SIRPB1: variants seen among roughly 807,000 people sequenced by gnomAD.
SIRPB1 encodes the protein signal regulatory protein beta 1.
A neutral mutation model predicts 34.1 loss-of-function variants in SIRPB1; 28 were observed. That is an observed-to-expected ratio of 0.82 (90% CI 0.61 to 1.12). The LOEUF (loss-of-function observed/expected upper bound fraction) is 1.12. SIRPB1 is among the 50% of genes most tolerant of loss of function. The probability of loss-of-function intolerance (pLI) is 0.00; values close to 1 mark genes in which losing one functional copy is unlikely to be tolerated. For missense variants in SIRPB1, 499 were observed against 507.0 expected, an observed-to-expected ratio of 0.98 and a Z score of 0.15; for synonymous variants, 211 against 203.8, an observed-to-expected ratio of 1.04 and a Z score of -0.30.
At chr20:1,577,746 G>A (rs544235260) in intron 2 of SIRPB1, among the ~76,000 whole-genome samples, 3 of 146,196 alleles carry the variant, frequency 2.1e-5, no homozygotes, top group African/African-American at 7.4e-5. Flanking sequence ...AATCTTCCCC[G>A]TGGGGTGTTT....
At position 1,562,987 on chromosome 20, in the gene SIRPB1, C is replaced by T. The variant is rs73570829; in HGVS notation, c.*2513G>A. Among the ~76,000 whole-genome samples the T allele has an allele frequency of 9.6e-3, 1,458 of 152,236 alleles. 28 individuals are homozygous for T. Among genetic ancestry groups the T allele is most frequent in the African/African-American group, 0.034 (1,421 of 41,512 alleles). On this transcript the variant is annotated 3_prime_UTR_variant, in exon 6 of 6. Coordinates refer to ENST00000381605, the MANE Select transcript of SIRPB1 (RefSeq NM_006065.5). ...CCCTGATGCAGGAACTTCAGATAGG[C>T]AGCCAGAGGGAGGTAGTAAACGCAA...
rs2091241806 is a variant in SIRPB1, at chr20:1,571,766, C to T, written c.705G>A (p.Gln235=). 1.2e-6 allele frequency: 2 copies of T among 1,614,244 alleles called. No homozygotes were observed. The highest frequency in any genetic ancestry group is 2.2e-5 in the East Asian group (1 of 44,892). The stretch of plus-strand genomic sequence containing the variant: ...TGGCAGTCCCACGAAGAGGGTCCCC[C>T]TGCAAGGTGATGTGGGCTATCTCGC... ...VICEIAHITL[Q]GDPLRGTANL... Residue 235 remains glutamine, a synonymous_variant, in exon 3 of 6, where the codon CAG becomes CAA. Coordinates refer to ENST00000381605, the MANE Select transcript of SIRPB1 (RefSeq NM_006065.5).
intron 1 of SIRPB1, chr20:1,598,825 C>T: frequency 2.0e-6 from 1 of 508,280 alleles, no homozygotes; most frequent in Non-Finnish European, 2.7e-6. Context: ...CACTTACAGT[C>T]AGGCCTTCTG....
At chr20:1,566,329 C>A in intron 4 of SIRPB1, 62 bp from the exon 5 acceptor site, 1 of 982,724 alleles carries the variant, frequency 1.0e-6, no homozygotes, top group Middle Eastern at 2.5e-4. Flanking sequence ...TCCCAGGGGC[C>A]TCCACTTACC....
At chr20:1,597,380 G>A (rs2091461137) in intron 1 of SIRPB1, 1 of 49,242 alleles carries the variant, frequency 2.0e-5, no homozygotes, top group Admixed American at 1.4e-4. Context: ...TGGTTCTGCA[G>A]ACTGTACAAG....
At chr20:1,568,195 C>T (rs932365937) in intron 4 of SIRPB1, among the ~76,000 whole-genome samples, 19 of 152,182 alleles carry the variant, frequency 1.2e-4, no homozygotes, top group Non-Finnish European at 2.1e-4. Context: ...AAAGTAAATT[C>T]TACACAATCC....
chr20:1,566,084 G>C (rs2091126729), intron 5 of SIRPB1, 69 bp downstream of exon 5: 1 of 941,210 alleles, frequency 1.1e-6, no homozygotes, highest in Non-Finnish European at 1.7e-6. Flanking sequence ...TGGCATGTGA[G>C]CTGGGCCCTC....
Position 1,572,013 on chromosome 20 carries a change from G to A in SIRPB1, c.458C>T (p.Ser153Leu), listed in dbSNP as rs150061145. The A allele has an allele frequency of 7.1e-4, 1,148 of 1,613,798 alleles. 5 individuals are homozygous for A. Among genetic ancestry groups the A allele is most frequent in the Middle Eastern group, 7.0e-3 (42 of 5,994 alleles). Residue 153 changes from serine to leucine, a missense_variant, in exon 3 of 6, where the codon TCG becomes TTG. Ser to Leu is a moderately radical substitution (Grantham distance 145, BLOSUM62 -2). Coordinates refer to ENST00000381605, the MANE Select transcript of SIRPB1 (RefSeq NM_006065.5). ...VRAKPSAPVV[S>L]GPAVRATPEH... Reference sequence around the variant, plus strand: ...AGGTGTGGCCCTCACCGCAGGGCCCGATACCACGGGGGCAGAGGGTTTGGC... The same window carrying A: ...AGGTGTGGCCCTCACCGCAGGGCCCAATACCACGGGGGCAGAGGGTTTGGC...
chr20:1,588,582 C>T (rs1205031336), intron 1 of SIRPB1: 1 of 599,292 alleles, frequency 1.7e-6, no homozygotes, highest in Non-Finnish European at 2.2e-6. Flanking sequence ...GCAATAGAGT[C>T]AGCAGCAGGA....
intron 1 of SIRPB1, chr20:1,598,207 A>G: frequency 2.7e-6 from 1 of 371,386 alleles, no homozygotes; most frequent in South Asian, 1.4e-4. Flanking sequence ...GTCCATATTT[A>G]ATCATCTGCT....
intron 2 of SIRPB1, 131 bp from the exon 3 acceptor site, chr20:1,572,168 C>T: frequency 7.0e-7 from 1 of 1,420,604 alleles, no homozygotes; most frequent in African/African-American, 1.4e-5. Flanking sequence ...AAGGCAGTGT[C>T]CTTATTCTCA....
At position 1,571,941 on chromosome 20, in the gene SIRPB1, C is replaced by T. The variant is rs200471530; in HGVS notation, c.530G>A (p.Arg177Lys). ...TTTGAACCATTTCAGGGTGATGTCT[C>T]TGGGAGAGAAGCCATGGGACTCGCA... Reference protein sequence around the residue: ...FTCESHGFSPRDITLKWFKNG... With the variant: ...FTCESHGFSPKDITLKWFKNG... Residue 177 changes from arginine (R) to lysine (K), a missense_variant, in exon 3 of 6, where the codon AGA becomes AAA. Transcript: ENST00000381605. 1.2e-5 allele frequency: 19 copies of T among 1,614,040 alleles called. No homozygotes were observed. Among genetic ancestry groups the T allele is most frequent in the Non-Finnish European group, 1.7e-6 (2 of 1,180,038 alleles).
rs898295679 is a variant in SIRPB1, at chr20:1,563,732, G to C, written c.*1768C>G. On this transcript the variant is annotated 3_prime_UTR_variant, in exon 6 of 6. Coordinates refer to ENST00000381605, the MANE Select transcript of SIRPB1 (RefSeq NM_006065.5). ...GCACCTTCTTCACATGGTGGCAGGA[G>C]GGAGAGAGAGAGAGAGAGCGAAGGG... 6.6e-6 allele frequency: 1 copy of C among 151,830 alleles called. No homozygotes were observed. Among genetic ancestry groups the C allele is most frequent in the Non-Finnish European group, 1.5e-5 (1 of 68,046 alleles). The allele number at this position is 151,830 out of a possible 1,614,324, so 9.4% of individuals were successfully genotyped here. A position where few individuals can be genotyped will look rare whatever the true frequency, so the allele number is the denominator to read the frequency against.
Position 1,563,934 on chromosome 20 carries a change from A to G in SIRPB1, c.*1566T>C, listed in dbSNP as rs2091098675. 1 of 152,236 alleles carries G rather than the reference A, an allele frequency of 6.6e-6. No individual in the cohort carries two copies. Among genetic ancestry groups the G allele is most frequent in the African/African-American group, 2.4e-5 (1 of 41,450 alleles). 9.4% of individuals were successfully genotyped at this position (152,236 alleles called of 1,614,324 possible). A position where few individuals can be genotyped will look rare whatever the true frequency, so the allele number is the denominator to read the frequency against. On this transcript the variant is annotated 3_prime_UTR_variant, in exon 6 of 6. Coordinates refer to ENST00000381605, the MANE Select transcript of SIRPB1 (RefSeq NM_006065.5). ...AATTTAAGATGAGATTTGGATGGAG[A>G]CACAGAGCCAAACTATATCACTCCA...
chr20:1,562,771 T>C lies in SIRPB1; in HGVS notation c.*2729A>G, dbSNP rs780304218. On this transcript the variant is annotated 3_prime_UTR_variant, in exon 6 of 6. Coordinates refer to ENST00000381605, the MANE Select transcript of SIRPB1 (RefSeq NM_006065.5). The stretch of plus-strand genomic sequence containing the variant: ...CCTACTCAAACAGCAAATCCTATAG[T>C]TGGGTTGCCTCCTTGCCTCCCAGTG... 9.2e-5 allele frequency among the ~76,000 whole-genome samples: 14 copies of C among 152,200 alleles called. No homozygotes were observed. Among genetic ancestry groups the C allele is most frequent in the Admixed American group, 6.5e-4 (10 of 15,286 alleles).
intron 1 of SIRPB1, among the ~76,000 whole-genome samples, chr20:1,579,292 T>G (rs1168303788): frequency 1.3e-5 from 2 of 148,384 alleles, no homozygotes; most frequent in South Asian, 4.2e-4. Context: ...GTTGAGGACC[T>G]GAGTAGAACT....
rs1600120721 is a variant in SIRPB1 at position 1,578,319 on chromosome 20, A to T, written c.433+19T>A. The T allele has an allele frequency of 3.2e-6, 5 of 1,572,112 alleles. No individual in the cohort carries two copies. The East Asian group carries it at 1.1e-4, about 35-fold the overall frequency. ...ATTGTCACACACCAGGGGACAAAGG[A>T]GGCCCACGCTGTACTCACCGCGCAC... On this transcript the variant is annotated intron_variant, in intron 2 of 5. Transcript: ENST00000381605.
chr20:1,578,310 G>A, intron 2 of SIRPB1, 28 bp downstream of exon 2: 1 of 1,558,526 alleles, frequency 6.4e-7, no homozygotes, highest in South Asian at 1.1e-5. Flanking sequence ...ACACACCAGG[G>A]GACAAAGGAG....
chr20:1,571,598 A>G, intron 3 of SIRPB1, 122 bp downstream of exon 3: 2 of 1,418,866 alleles, frequency 1.4e-6, no homozygotes, highest in Non-Finnish European at 1.9e-6. Context: ...ACCTAGGTGC[A>G]TGGGAGGTGG....
Sources: gnomAD v4.1 joint callset for allele counts (sites outside exome capture counted in the v4.1 genomes callset) on GRCh38, gnomAD v4.1.1 for gene constraint, MANE v1.5 for transcripts, NCBI Gene and HGNC (gene_info 2026-07-23, HGNC 2026-07-21) for gene names.